Variants in ADGRL3 observed in about 807,000 individuals in gnomAD.
ADGRL3 encodes the protein adhesion G protein-coupled receptor L3.
In ADGRL3, 62 loss-of-function variants were observed where a neutral mutation model predicts 153.5. That is an observed-to-expected ratio of 0.40 (90% CI 0.33 to 0.50). The LOEUF is 0.50. Among genes scored for constraint, ADGRL3 ranks in the 20% least tolerant of loss-of-function variants. The pLI is 0.47. For synonymous variants in ADGRL3, 710 were observed against 672.5 expected (o/e 1.06, Z -0.86); for missense variants, 1,641 against 1,859.4 (o/e 0.88, Z 2.16).
chr4:61,266,015 A>G (rs1578040997), intron 1 of ADGRL3, among the ~76,000 whole-genome samples: 2 of 151,892 alleles, frequency 1.3e-5, no homozygotes, highest in South Asian at 4.1e-4. Context: ...AAGTCTTTTT[A>G]TATTTCTAGA....
At chr4:61,350,027 G>A (rs1251714037) in intron 1 of ADGRL3, among the ~76,000 whole-genome samples, 1 of 152,114 alleles carries the variant, frequency 6.6e-6, no homozygotes, top group African/African-American at 2.4e-5. Flanking sequence ...TCTGGCCAGT[G>A]ATATATTTCA....
At chr4:61,483,043 A>C (rs540989222) in intron 2 of ADGRL3, among the ~76,000 whole-genome samples, 28 of 152,342 alleles carry the variant, frequency 1.8e-4, no homozygotes, top group African/African-American at 6.5e-4. Context: ...CTCCCAGAGT[A>C]TGCAGTGTAA....
chr4:61,463,786 G>A (rs778789285), intron 2 of ADGRL3, among the ~76,000 whole-genome samples: 11 of 152,106 alleles, frequency 7.2e-5, no homozygotes, highest in Non-Finnish European at 1.6e-4. Context: ...TTATGAGGAC[G>A]GGGTGGGTAT....
At chr4:61,866,359 A>C (rs769987236) in intron 9 of ADGRL3, among the ~76,000 whole-genome samples, 1 of 152,144 alleles carries the variant, frequency 6.6e-6, no homozygotes, top group African/African-American at 2.4e-5. Context: ...ATAGCCCTTC[A>C]CTAACGTAAA....
intron 1 of ADGRL3, among the ~76,000 whole-genome samples, chr4:61,310,180 C>T (rs1029607311): frequency 6.6e-6 from 1 of 151,520 alleles, no homozygotes; most frequent in Admixed American, 6.6e-5. Context: ...TATGAAAGCT[C>T]TTATAAAAAT....
chr4:62,068,098 G>T, intron 25 of ADGRL3, 68 bp from the exon 26 acceptor site: 1 of 1,101,094 alleles, frequency 9.1e-7, no homozygotes, highest in Non-Finnish European at 1.3e-6. Context: ...TTTTACTCAT[G>T]TTTCTTCTAC....
At chr4:61,343,320 TAA>T (rs1197018224) in intron 1 of ADGRL3, among the ~76,000 whole-genome samples, 4 of 152,212 alleles carry the variant, frequency 2.6e-5, no homozygotes, top group Admixed American at 2.6e-4. Flanking sequence ...GATATCCTCA[TAA>T]TGTCAATATT....
chr4:61,336,756 A>C (rs1429572853), intron 1 of ADGRL3, among the ~76,000 whole-genome samples: 3 of 151,686 alleles, frequency 2.0e-5, no homozygotes. Flanking sequence ...GTGGCACTCC[A>C]TTACGACTGG....
intron 8 of ADGRL3, among the ~76,000 whole-genome samples, chr4:61,755,928 G>A (rs944525076): frequency 1.3e-5 from 2 of 152,148 alleles, no homozygotes; most frequent in African/African-American, 4.8e-5. Flanking sequence ...TCAGATGGTT[G>A]TAGATATGCG....
chr4:61,209,509 T>G (rs2148824553), intron 1 of ADGRL3, among the ~76,000 whole-genome samples: 1 of 152,312 alleles, frequency 6.6e-6, no homozygotes, highest in East Asian at 1.9e-4. Context: ...TATCATTTTC[T>G]TAATTGAAGA....
At chr4:61,913,537 C>T (rs1341667264) in intron 13 of ADGRL3, among the ~76,000 whole-genome samples, 3 of 151,956 alleles carry the variant, frequency 2.0e-5, no homozygotes, top group Non-Finnish European at 2.9e-5. Flanking sequence ...AAAGAGATAC[C>T]CTCAAGAACC....
chr4:61,983,345 G>A (rs1324353081), intron 18 of ADGRL3, 38 bp from the exon 19 acceptor site: 1 of 1,531,664 alleles, frequency 6.5e-7, no homozygotes, highest in East Asian at 2.3e-5. Context: ...TATCCCATGT[G>A]GTAGAGATTT....
At chr4:61,274,306 G>C (rs2093354780) in intron 1 of ADGRL3, among the ~76,000 whole-genome samples, 1 of 152,200 alleles carries the variant, frequency 6.6e-6, no homozygotes, top group South Asian at 2.1e-4. Context: ...ATCCATGGGA[G>C]AGACTGCCAT....
intron 23 of ADGRL3, among the ~76,000 whole-genome samples, chr4:62,034,660 G>C (rs1189444724): frequency 6.6e-6 from 1 of 151,616 alleles, no homozygotes; most frequent in Admixed American, 6.6e-5. Flanking sequence ...TATATATTTT[G>C]ATTAGAGAAA....
chr4:61,840,182 C>A (rs966587072), intron 9 of ADGRL3, among the ~76,000 whole-genome samples: 2 of 152,118 alleles, frequency 1.3e-5, no homozygotes, highest in African/African-American at 4.8e-5. Flanking sequence ...TGGGTTCAAG[C>A]CATTCTCCTG....
At chr4:61,381,291 G>GTT (rs1271766844) in intron 1 of ADGRL3, among the ~76,000 whole-genome samples, 1 of 118,964 alleles carries the variant, frequency 8.4e-6, no homozygotes, top group Non-Finnish European at 1.8e-5. Context: ...CAATAAACAA[G>GTT]TTTGTGTGTG....
At chr4:61,517,083 T>G (rs1387122653) in intron 3 of ADGRL3, among the ~76,000 whole-genome samples, 2 of 152,050 alleles carry the variant, frequency 1.3e-5, no homozygotes, top group Non-Finnish European at 2.9e-5. Context: ...TGAGTTTTTT[T>G]TTTTTTTTTA....
intron 6 of ADGRL3, among the ~76,000 whole-genome samples, chr4:61,711,458 TTATATA>T (rs1167827672): frequency 0.012 from 430 of 34,664 alleles, 20 homozygotes; most frequent in South Asian, 0.027. Flanking sequence ...ATATGCTTCA[TTATATA>T]TATATATATA....
chr4:61,488,634 G>GT (rs1438635161), intron 2 of ADGRL3, among the ~76,000 whole-genome samples: 6 of 151,864 alleles, frequency 4.0e-5, no homozygotes, highest in East Asian at 3.9e-4. Flanking sequence ...CCCATCCTAT[G>GT]TTTTTTTCCG....
Sources: gnomAD v4.1 joint callset for allele counts (sites outside exome capture counted in the v4.1 genomes callset) on GRCh38, gnomAD v4.1.1 for gene constraint, MANE v1.5 for transcripts, NCBI Gene and HGNC (gene_info 2026-07-23, HGNC 2026-07-21) for gene names.